HPCA: variants seen among roughly 807,000 people sequenced by gnomAD.
HPCA encodes hippocalcin.
Under a neutral mutation model 18.2 loss-of-function variants are expected in HPCA, and 4 were observed. The ratio of observed to expected loss-of-function variants is 0.22; its 90% CI spans 0.11 to 0.50. The LOEUF (loss-of-function observed/expected upper bound fraction) is 0.50, where lower values mean the gene tolerates loss of function less well. Ranked by LOEUF, HPCA falls within the 20% of genes least tolerant of loss-of-function variation. The probability of loss-of-function intolerance (pLI) is 0.97; values close to 1 mark genes in which losing one functional copy is unlikely to be tolerated. For synonymous variants in HPCA, 93 were observed against 103.5 expected, an observed-to-expected ratio of 0.90 and a Z score of 0.61; for missense variants, 161 against 265.8, an observed-to-expected ratio of 0.61 and a Z score of 2.74.
At position 32,889,871 on chromosome 1, in the gene HPCA, C is replaced by T. The variant is rs200713045; in HGVS notation, c.378+595C>T. ...TTTATGAATTGACATTTCTGCAGAG[C>T]ACAGTCCAGCTATGTCTAGTTGATC... On this transcript the variant is annotated intron_variant, in intron 2 of 3. Coordinates refer to ENST00000373467, the MANE Select transcript of HPCA (RefSeq NM_002143.3). The surrounding 1 kb of genome is among the most constrained non-coding windows in gnomAD (Gnocchi z 4.6). Among the ~76,000 whole-genome samples the T allele has an allele frequency of 1.3e-5, 2 of 152,178 alleles. No homozygotes were observed. Among genetic ancestry groups the T allele is most frequent in the East Asian group, 3.9e-4 (2 of 5,194 alleles).
At chr1:32,890,913 C>T (rs902178570) in intron 2 of HPCA, among the ~76,000 whole-genome samples, 1 of 152,240 alleles carries the variant, frequency 6.6e-6, no homozygotes, top group Non-Finnish European at 1.5e-5. Flanking sequence ...GCATTTGACT[C>T]TTTAGTTGCT....
At position 32,894,074 on chromosome 1, in the gene HPCA, A is replaced by C; in HGVS notation, c.*212A>C. The C allele has an allele frequency of 3.5e-6, 2 of 563,942 alleles. No homozygotes were observed. Among genetic ancestry groups the C allele is most frequent in the Admixed American group, 3.1e-5 (1 of 32,590 alleles). The allele number at this position is 563,942 out of a possible 1,614,324, so 34.9% of individuals were successfully genotyped here. ...GCACCCCCCAATCCCAGAGGCAACA[A>C]TAGAGACACAGGCTGGGTTGGTCTG... On this transcript the variant is annotated 3_prime_UTR_variant, in exon 4 of 4. Coordinates refer to ENST00000373467, the MANE Select transcript of HPCA (RefSeq NM_002143.3).
In HPCA at chr1:32,894,158, A is replaced by C; in HGVS notation, c.*296A>C. On this transcript the variant is annotated 3_prime_UTR_variant, in exon 4 of 4. Transcript: ENST00000373467. The stretch of plus-strand genomic sequence containing the variant: ...CCCCAAGGCCCGACCCCTCCCCCAA[A>C]GGGGCAGTCCCCTTCTTGCAGGTCT... 2.6e-6 allele frequency: 1 copy of C among 389,794 alleles called. No individual in the cohort carries two copies. The allele number at this position is 389,794 out of a possible 1,614,324, so 24.1% of individuals were successfully genotyped here. A position where few individuals can be genotyped will look rare whatever the true frequency, so the allele number is the denominator to read the frequency against.
At position 32,893,147 on chromosome 1, in the gene HPCA, A is replaced by T. The variant is rs1399144532; in HGVS notation, c.379-377A>T. On this transcript the variant is annotated intron_variant, in intron 2 of 3. Transcript: ENST00000373467. This position sits in a 1 kb window ranked among gnomAD's most constrained non-coding sequence, Gnocchi z 7.5. ...GGGCCCGGGTGCCAGCCCGGTACTT[A>T]CCCCCGACGCGCGTGCCCCGGGGCA... 2.2e-5 allele frequency among the ~76,000 whole-genome samples: 3 copies of T among 135,018 alleles called. No individual in the cohort carries two copies. The East Asian group carries it at 7.0e-4, about 32-fold the overall frequency. 88.6% of individuals were successfully genotyped at this position (135,018 alleles called of 152,430 possible).
rs768410407 is a variant in HPCA at position 32,893,724 on chromosome 1, C to T, written c.485-41C>T. ...TCCCGCTCCGCCTCCCCTCGCTAGG[C>T]TGCCGCCTCCTCCCCCATCACCGCT... On this transcript the variant is annotated intron_variant, in intron 3 of 3. Coordinates refer to ENST00000373467, the MANE Select transcript of HPCA (RefSeq NM_002143.3). The surrounding 1 kb of genome is among the most constrained non-coding windows in gnomAD (Gnocchi z 7.5). 9.1e-6 allele frequency: 12 copies of T among 1,313,716 alleles called. No homozygotes were observed. The highest frequency in any genetic ancestry group is 1.1e-5 in the Non-Finnish European group (11 of 967,596). 81.4% of individuals were successfully genotyped at this position (1,313,716 alleles called of 1,614,324 possible).
chr1:32,887,800 T>G (rs1365078732), intron 1 of HPCA, among the ~76,000 whole-genome samples: 2 of 151,644 alleles, frequency 1.3e-5, no homozygotes, highest in Non-Finnish European at 2.9e-5. Flanking sequence ...ACATGTGGGG[T>G]CGTGGGCTGG....
chr1:32,894,053 C>T lies in HPCA; in HGVS notation c.*191C>T, dbSNP rs1490300659. ...GCCAAAGCAAGTAAGCGGTTAGCACCCCCCAATCCCAGAGGCAACAATAGA... is the reference window on the plus strand; with the variant it reads ...GCCAAAGCAAGTAAGCGGTTAGCACTCCCCAATCCCAGAGGCAACAATAGA... On this transcript the variant is annotated 3_prime_UTR_variant, in exon 4 of 4. Coordinates refer to ENST00000373467, the MANE Select transcript of HPCA (RefSeq NM_002143.3). 1 of 584,470 alleles carries T rather than the reference C, an allele frequency of 1.7e-6. No individual in the cohort carries two copies. Among genetic ancestry groups the T allele is most frequent in the Non-Finnish European group, 3.1e-6 (1 of 327,604 alleles). 36.2% of individuals were successfully genotyped at this position (584,470 alleles called of 1,614,324 possible). A position where few individuals can be genotyped will look rare whatever the true frequency, so the allele number is the denominator to read the frequency against.
Position 32,893,826 on chromosome 1 carries a change from G to A in HPCA, c.546G>A (p.Leu182=), listed in dbSNP as rs1354754911. The A allele has an allele frequency of 6.3e-7, 1 of 1,579,048 alleles. No individual in the cohort carries two copies. The highest frequency in any genetic ancestry group is 8.6e-7 in the Non-Finnish European group (1 of 1,163,288). ...AAAGCGACCCGTCCATCGTGCGTCT[G>A]CTGCAGTGCGACCCCAGCAGCGCCT... ...GAKSDPSIVR[L]LQCDPSSASQ... The change falls in exon 4 of 4, where the codon CTG becomes CTA. Residue 182 remains leucine, a synonymous_variant. Transcript: ENST00000373467. The surrounding 1 kb of genome is among the most constrained non-coding windows in gnomAD (Gnocchi z 7.5).
At chr1:32,892,901 G>A (rs573448234) in intron 2 of HPCA, among the ~76,000 whole-genome samples, 2 of 152,300 alleles carry the variant, frequency 1.3e-5, no homozygotes, top group East Asian at 3.9e-4. Flanking sequence ...CGTGGCGGCT[G>A]CCGCCCTCTG....
intron 2 of HPCA, among the ~76,000 whole-genome samples, chr1:32,890,674 C>T (rs1641439975): frequency 6.6e-6 from 1 of 152,250 alleles, no homozygotes. Context: ...TCCTGTCACG[C>T]AGCTTTGCAC....
chr1:32,893,673 T>TACCAC lies in HPCA; in HGVS notation c.484+44_484+45insACCAC. ...ACGGGGTGGACGGGGCGGGCGCCTT[T>TACCAC]CCCTCCCTCCCTCCCTGCCTCCCTT... On this transcript the variant is annotated intron_variant, in intron 3 of 3. Transcript: ENST00000373467. This position sits in a 1 kb window ranked among gnomAD's most constrained non-coding sequence, Gnocchi z 7.5. The TACCAC allele has an allele frequency of 2.3e-6, 3 of 1,314,130 alleles. No individual in the cohort carries two copies. Among genetic ancestry groups the TACCAC allele is most frequent in the Non-Finnish European group, 2.2e-6 (2 of 926,078 alleles). The allele number at this position is 1,314,130 out of a possible 1,614,324, so 81.4% of individuals were successfully genotyped here.
rs1641487833 is a variant in HPCA at position 32,893,020 on chromosome 1, C to A, written c.379-504C>A. ...TCTGGGCCCAGCTGCCTCTGGCCCTCCAGCCCGCGCCGCGCCCCCTGCCGG... is the reference window on the plus strand; with the variant it reads ...TCTGGGCCCAGCTGCCTCTGGCCCTACAGCCCGCGCCGCGCCCCCTGCCGG... On this transcript the variant is annotated intron_variant, in intron 2 of 3. Transcript: ENST00000373467. This position sits in a 1 kb window ranked among gnomAD's most constrained non-coding sequence, Gnocchi z 7.5. Among the ~76,000 whole-genome samples, 1 of 151,836 alleles carries A rather than the reference C, an allele frequency of 6.6e-6. No homozygotes were observed. Among genetic ancestry groups the A allele is most frequent in the Non-Finnish European group, 1.5e-5 (1 of 67,840 alleles).
intron 2 of HPCA, among the ~76,000 whole-genome samples, chr1:32,890,214 T>C (rs1570019106): frequency 6.6e-6 from 1 of 152,360 alleles, no homozygotes; most frequent in South Asian, 2.1e-4. Flanking sequence ...TCTGGACTCA[T>C]AGCCAGGAGG....
At position 32,894,054 on chromosome 1, in the gene HPCA, C is replaced by G. The variant is rs1017461940; in HGVS notation, c.*192C>G. 2.1e-5 allele frequency: 12 copies of G among 584,220 alleles called. No individual in the cohort carries two copies. The South Asian group carries it at 2.1e-4, about 10-fold the overall frequency. The allele number at this position is 584,220 out of a possible 1,614,324, so 36.2% of individuals were successfully genotyped here. A position where few individuals can be genotyped will look rare whatever the true frequency, so the allele number is the denominator to read the frequency against. On this transcript the variant is annotated 3_prime_UTR_variant, in exon 4 of 4. Coordinates refer to ENST00000373467, the MANE Select transcript of HPCA (RefSeq NM_002143.3). ...CCAAAGCAAGTAAGCGGTTAGCACCCCCCAATCCCAGAGGCAACAATAGAG... is the reference window on the plus strand; with the variant it reads ...CCAAAGCAAGTAAGCGGTTAGCACCGCCCAATCCCAGAGGCAACAATAGAG...
At position 32,886,696 on chromosome 1, in the gene HPCA, G is replaced by A. The variant is rs944085806; in HGVS notation, c.-22+181G>A. ...GGTGCTCTCCAGGGTCCTGACCGCC[G>A]AGTGGCCGGCCCCTAGGAACCGCGT... On this transcript the variant is annotated intron_variant, in intron 1 of 3. Coordinates refer to ENST00000373467, the MANE Select transcript of HPCA (RefSeq NM_002143.3). The surrounding 1 kb of genome is among the most constrained non-coding windows in gnomAD (Gnocchi z 7.0). Among the ~76,000 whole-genome samples, 1 of 152,074 alleles carries A rather than the reference G, an allele frequency of 6.6e-6. No individual in the cohort carries two copies.
rs1016425166 is a variant in HPCA at position 32,889,358 on chromosome 1, C to A, written c.378+82C>A. ...CACCCCTTTTGATCCTCTCAGCAGA[C>A]CTCGTAGGCATGTGGTGGCAGGGGA... On this transcript the variant is annotated intron_variant, in intron 2 of 3. Coordinates refer to ENST00000373467, the MANE Select transcript of HPCA (RefSeq NM_002143.3). This position sits in a 1 kb window ranked among gnomAD's most constrained non-coding sequence, Gnocchi z 4.6. The A allele has an allele frequency of 7.1e-7, 1 of 1,407,548 alleles. No homozygotes were observed. The highest frequency in any genetic ancestry group is 2.5e-5 in the Admixed American group (1 of 39,592). The allele number at this position is 1,407,548 out of a possible 1,614,324, so 87.2% of individuals were successfully genotyped here. A position where few individuals can be genotyped will look rare whatever the true frequency, so the allele number is the denominator to read the frequency against.
At chr1:32,892,894 G>A (rs1188099603) in intron 2 of HPCA, among the ~76,000 whole-genome samples, 2 of 152,178 alleles carry the variant, frequency 1.3e-5, no homozygotes, top group Non-Finnish European at 2.9e-5. Flanking sequence ...TACTGCACGT[G>A]GCGGCTGCCG....
chr1:32,887,592 TG>T (rs1641391282), intron 1 of HPCA, among the ~76,000 whole-genome samples: 1 of 152,032 alleles, frequency 6.6e-6, no homozygotes, highest in African/African-American at 2.4e-5. Flanking sequence ...TGGATGGGCT[TG>T]GTGGGGGGTC....
chr1:32,887,499 T>C (rs1051292723), intron 1 of HPCA, among the ~76,000 whole-genome samples: 4 of 152,118 alleles, frequency 2.6e-5, no homozygotes, highest in African/African-American at 9.7e-5. Context: ...TTCCTCTTCA[T>C]TGCCTTCTAC....
Sources: gnomAD v4.1 joint callset for allele counts (sites outside exome capture counted in the v4.1 genomes callset) on GRCh38, gnomAD v4.1.1 for gene constraint, Gnocchi (gnomAD v3.1) non-coding constraint, MANE v1.5 for transcripts, NCBI Gene and HGNC (gene_info 2026-07-23, HGNC 2026-07-21) for gene names.